The following MARCHF1 variants were observed in gnomAD, a reference collection of about 807,000 sequenced individuals.
MARCHF1 encodes the protein membrane associated ring-CH-type finger 1.
Under a neutral mutation model 54.2 loss-of-function variants are expected in MARCHF1, and 40 were observed. The observed-to-expected ratio is 0.74, with a 90% CI of 0.57 to 0.96. The LOEUF is 0.96. MARCHF1 is among the 40% of genes least tolerant of loss of function. MARCHF1 has a pLI of 0.00. For synonymous variants in MARCHF1, 236 were observed against 236.3 expected, an observed-to-expected ratio of 1.00 and a Z score of 0.01; for missense variants, 586 against 656.5, an observed-to-expected ratio of 0.89 and a Z score of 1.17.
intron 1 of MARCHF1, among the ~76,000 whole-genome samples, chr4:164,142,554 AG>A (rs1756575456): frequency 2.0e-5 from 3 of 152,194 alleles, no homozygotes; most frequent in Admixed American, 2.0e-4. Flanking sequence ...ACCCCCCAGC[AG>A]GGGCACACTG....
At chr4:163,908,354 AAGAG>A (rs746717994) in intron 3 of MARCHF1, among the ~76,000 whole-genome samples, 17 of 152,202 alleles carry the variant, frequency 1.1e-4, no homozygotes, top group East Asian at 3.9e-4. Context: ...CAGAGATAGA[AAGAG>A]AGAGAGAGGA....
At chr4:164,089,966 A>G (rs931169259) in intron 2 of MARCHF1, among the ~76,000 whole-genome samples, 10 of 151,206 alleles carry the variant, frequency 6.6e-5, no homozygotes, top group Admixed American at 5.3e-4. Flanking sequence ...AAATTTTAAT[A>G]TATATATATT....
rs115314692 is a variant in MARCHF1, at chr4:163,827,835, A to C, written c.111+26186T>G. 6.4e-3 allele frequency among the ~76,000 whole-genome samples: 975 copies of C among 152,236 alleles called. 10 individuals are homozygous for C. Among genetic ancestry groups the C allele is most frequent in the African/African-American group, 0.022 (920 of 41,528 alleles). ...TTGACATGCTGCCAATGAAAACAAG[A>C]CCTTTCTTTTTCTTGACGGGAAACT... On this transcript the variant is annotated intron_variant, in intron 4 of 9. Coordinates refer to ENST00000514618, the MANE Select transcript of MARCHF1 (RefSeq NM_001394959.1).
intron 4 of MARCHF1, among the ~76,000 whole-genome samples, chr4:163,783,568 G>A (rs1747530666): frequency 6.6e-6 from 1 of 152,182 alleles, no homozygotes; most frequent in South Asian, 2.1e-4. Flanking sequence ...AGCTGCAAGA[G>A]AGCCTGGGAA....
At chr4:163,546,696 G>C (rs4388042) in intron 8 of MARCHF1, among the ~76,000 whole-genome samples, 12 of 151,968 alleles carry the variant, frequency 7.9e-5, no homozygotes, top group African/African-American at 2.9e-4. Context: ...TGCTGCTACC[G>C]TAAGGGTTGT....
chr4:163,998,594 TTCTA>T (rs949399430), intron 2 of MARCHF1, among the ~76,000 whole-genome samples: 1 of 151,710 alleles, frequency 6.6e-6, no homozygotes, highest in African/African-American at 2.4e-5. Flanking sequence ...AATAGATATC[TTCTA>T]TCTAACTAAA....
At chr4:164,143,172 T>C (rs1246669575) in intron 1 of MARCHF1, among the ~76,000 whole-genome samples, 3 of 151,580 alleles carry the variant, frequency 2.0e-5, no homozygotes, top group Admixed American at 1.3e-4. Flanking sequence ...TGGGACTATG[T>C]GAAAAGACCA....
chr4:164,028,743 T>TA (rs750458968), intron 2 of MARCHF1, among the ~76,000 whole-genome samples: 22 of 151,552 alleles, frequency 1.5e-4, no homozygotes, highest in East Asian at 3.9e-4. Context: ...GAAATGAAAA[T>TA]AAAAAAAACA....
At chr4:163,651,037 C>G (rs1253529241) in intron 5 of MARCHF1, among the ~76,000 whole-genome samples, 1 of 151,780 alleles carries the variant, frequency 6.6e-6, no homozygotes, top group African/African-American at 2.4e-5. Flanking sequence ...AAACAGTATC[C>G]CAGTCTGACA....
At position 163,638,301 on chromosome 4, in the gene MARCHF1, G is replaced by A. The variant is rs539398072; in HGVS notation, c.163-24908C>T. Among the ~76,000 whole-genome samples, 8 of 151,888 alleles carry A rather than the reference G, an allele frequency of 5.3e-5. No homozygotes were observed. The South Asian group carries it at 1.5e-3, about 28-fold the overall frequency. On this transcript the variant is annotated intron_variant, in intron 5 of 9. Transcript: ENST00000514618. ...AATCCCAGTGTTGGAGGTGGGGCTGGTGAAAAACGTATGGATCATGGGGAG... is the reference window on the plus strand; with the variant it reads ...AATCCCAGTGTTGGAGGTGGGGCTGATGAAAAACGTATGGATCATGGGGAG...
chr4:163,675,847 CT>C lies in MARCHF1; in HGVS notation c.162+24965del, dbSNP rs1217749071. ...CAACAGCTTTCACCATGTTTAGTGC[CT>C]TTGTAAGGAATAAACACATTTTTCT... On this transcript the variant is annotated intron_variant, in intron 5 of 9. Coordinates refer to ENST00000514618, the MANE Select transcript of MARCHF1 (RefSeq NM_001394959.1). 2.0e-5 allele frequency among the ~76,000 whole-genome samples: 3 copies of C among 152,150 alleles called. No homozygotes were observed. The East Asian group carries it at 5.8e-4, about 29-fold the overall frequency.
intron 1 of MARCHF1, among the ~76,000 whole-genome samples, chr4:164,182,856 T>C (rs1560943184): frequency 6.6e-6 from 1 of 152,026 alleles, no homozygotes; most frequent in Non-Finnish European, 1.5e-5. Flanking sequence ...CTATACTTAA[T>C]GGAGATATAA....
At chr4:163,696,588 C>A (rs993640270) in intron 5 of MARCHF1, among the ~76,000 whole-genome samples, 1 of 152,078 alleles carries the variant, frequency 6.6e-6, no homozygotes, top group Non-Finnish European at 1.5e-5. Context: ...GATTGTATGA[C>A]CTTTATGACT....
At chr4:164,225,865 C>T (rs769763065) in intron 1 of MARCHF1, among the ~76,000 whole-genome samples, 3 of 152,002 alleles carry the variant, frequency 2.0e-5, no homozygotes, top group Non-Finnish European at 4.4e-5. Flanking sequence ...TGTTTTAATG[C>T]ATTTCATAAA....
chr4:163,797,218 T>A (rs1266428199), intron 4 of MARCHF1, among the ~76,000 whole-genome samples: 1 of 152,110 alleles, frequency 6.6e-6, no homozygotes, highest in Non-Finnish European at 1.5e-5. Context: ...CAGGTTTCTG[T>A]TCCTGCTATC....
intron 3 of MARCHF1, among the ~76,000 whole-genome samples, chr4:163,864,553 A>G: frequency 6.6e-6 from 1 of 152,034 alleles, no homozygotes; most frequent in East Asian, 1.9e-4. Flanking sequence ...TTGGTTAATA[A>G]TAACATATTA....
intron 1 of MARCHF1, among the ~76,000 whole-genome samples, chr4:164,274,732 A>G (rs563881623): frequency 4.1e-5 from 5 of 121,330 alleles, no homozygotes; most frequent in African/African-American, 1.6e-4. Flanking sequence ...GCTGGAGTGC[A>G]GCGGTGCGAT....
intron 3 of MARCHF1, among the ~76,000 whole-genome samples, chr4:163,919,777 T>G (rs1387984331): frequency 6.6e-6 from 1 of 152,168 alleles, no homozygotes; most frequent in African/African-American, 2.4e-5. Flanking sequence ...AACAGTATCT[T>G]GGACTAACAA....
intron 2 of MARCHF1, among the ~76,000 whole-genome samples, chr4:164,007,271 G>A (rs541995095): frequency 1.9e-4 from 28 of 147,834 alleles, no homozygotes; most frequent in South Asian, 8.5e-4. Context: ...GCGTGAACCC[G>A]GGAAGCAGAT....
Sources: allele counts gnomAD v4.1 joint callset (sites outside exome capture counted in the v4.1 genomes callset), GRCh38; gene constraint gnomAD v4.1.1; transcripts MANE v1.5; gene names NCBI Gene and HGNC (gene_info 2026-07-23, HGNC 2026-07-21).